LURAP1L: variants seen among roughly 807,000 people sequenced by gnomAD.
LURAP1L encodes the protein leucine rich adaptor protein 1 like.
LURAP1L carries 12 observed loss-of-function variants against 13.8 expected under a neutral mutation model. That is an observed-to-expected ratio of 0.87 (90% CI 0.56 to 1.41). LURAP1L has a LOEUF of 1.41. Among genes scored for constraint, LURAP1L ranks in the 40% most tolerant of loss-of-function variants. LURAP1L has a pLI of 0.00. For synonymous variants in LURAP1L, 139 were observed against 119.2 expected, an observed-to-expected ratio of 1.17 and a Z score of -1.08; for missense variants, 375 against 292.9, an observed-to-expected ratio of 1.28 and a Z score of -2.04.
In LURAP1L at chr9:12,822,899, A is replaced by C. The variant is rs1461139999; in HGVS notation, c.*1139A>C. ...GTAATGATAAATGTTTCCGGACTAA[A>C]CACTCTATAATACAAATCAAAAAAT... is the stretch of plus-strand genomic sequence containing the variant. On this transcript the variant is annotated 3_prime_UTR_variant, in exon 2 of 2. Transcript: ENST00000319264. Among the ~76,000 whole-genome samples the C allele has an allele frequency of 6.6e-6, 1 of 152,202 alleles. No homozygotes were observed. The highest frequency in any genetic ancestry group is 2.4e-5 in the African/African-American group (1 of 41,452).
chr9:12,802,846 C>T (rs1318364883), intron 1 of LURAP1L, among the ~76,000 whole-genome samples: 2 of 152,126 alleles, frequency 1.3e-5, no homozygotes, highest in African/African-American at 4.8e-5. Flanking sequence ...AACACCTGCT[C>T]CCCTGGTTGT....
intron 1 of LURAP1L, among the ~76,000 whole-genome samples, chr9:12,803,372 G>C (rs532294668): frequency 6.6e-6 from 1 of 152,292 alleles, no homozygotes; most frequent in East Asian, 1.9e-4. Context: ...TTAGATACTT[G>C]TTATAGTACA....
chr9:12,795,071 C>T (rs1819494650), intron 1 of LURAP1L, among the ~76,000 whole-genome samples: 1 of 151,882 alleles, frequency 6.6e-6, no homozygotes, highest in African/African-American at 2.4e-5. Flanking sequence ...TCATTTAATG[C>T]TATGCTGGGG....
At position 12,806,410 on chromosome 9, in the gene LURAP1L, C is replaced by CAATTT. The variant is rs1819656979; in HGVS notation, c.313-14975_313-14971dup. 3.3e-5 allele frequency among the ~76,000 whole-genome samples: 5 copies of CAATTT among 151,196 alleles called. No individual in the cohort carries two copies. The South Asian group carries it at 1.0e-3, about 32-fold the overall frequency. On this transcript the variant is annotated intron_variant, in intron 1 of 1. Coordinates refer to ENST00000319264, the MANE Select transcript of LURAP1L (RefSeq NM_203403.2). ...TTTTTTTTTCTTTTCTGGGTAGAAGCAATTTGCATTTCTTCAAGACACAAA... is the reference window on the plus strand; with the variant it reads ...TTTTTTTTTCTTTTCTGGGTAGAAGCAATTTAATTTGCATTTCTTCAAGACACAAA...
Position 12,795,191 on chromosome 9 carries a change from G to A in LURAP1L, c.312+19164G>A, listed in dbSNP as rs73403669. Among the ~76,000 whole-genome samples the A allele has an allele frequency of 9.7e-3, 1,477 of 151,940 alleles. 25 individuals are homozygous for A. The highest frequency in any genetic ancestry group is 0.034 in the African/African-American group (1,416 of 41,462). On this transcript the variant is annotated intron_variant, in intron 1 of 1. Coordinates refer to ENST00000319264, the MANE Select transcript of LURAP1L (RefSeq NM_203403.2). ...TTTGTAGATGATGTTGCTTTTGCCT[G>A]GATCTTTCTTCCTGTCCCACCCCTA...
intron 1 of LURAP1L, among the ~76,000 whole-genome samples, chr9:12,802,338 C>T (rs1217190661): frequency 6.6e-6 from 1 of 152,150 alleles, no homozygotes; most frequent in Non-Finnish European, 1.5e-5. Flanking sequence ...GGGATAGAAT[C>T]ATGGTGGTGA....
intron 1 of LURAP1L, chr9:12,777,693 A>G (rs1819210181): frequency 1.9e-6 from 1 of 516,260 alleles, no homozygotes; most frequent in Non-Finnish European, 2.5e-6. Flanking sequence ...AACATTTCCA[A>G]AAACCGATGA....
At chr9:12,803,995 G>A (rs1447718405) in intron 1 of LURAP1L, among the ~76,000 whole-genome samples, 1 of 152,102 alleles carries the variant, frequency 6.6e-6, no homozygotes, top group African/African-American at 2.4e-5. Context: ...AAAATAAAGA[G>A]CAAATCTATT....
chr9:12,795,112 C>G (rs1390965420), intron 1 of LURAP1L, among the ~76,000 whole-genome samples: 2 of 151,858 alleles, frequency 1.3e-5, no homozygotes, highest in Non-Finnish European at 2.9e-5. Context: ...AATTTACAAC[C>G]CAAGCCCCAT....
chr9:12,777,975 T>C (rs1819215244), intron 1 of LURAP1L, among the ~76,000 whole-genome samples: 1 of 152,184 alleles, frequency 6.6e-6, no homozygotes, highest in East Asian at 1.9e-4. Context: ...CAACCACAAC[T>C]ACTTTTGCAC....
chr9:12,809,196 C>T (rs932626053), intron 1 of LURAP1L, among the ~76,000 whole-genome samples: 2 of 152,202 alleles, frequency 1.3e-5, no homozygotes, highest in African/African-American at 4.8e-5. Flanking sequence ...TCCTACCAGG[C>T]CCCACCTCTA....
At chr9:12,800,467 G>T (rs947807025) in intron 1 of LURAP1L, among the ~76,000 whole-genome samples, 1 of 151,316 alleles carries the variant, frequency 6.6e-6, no homozygotes, top group South Asian at 2.1e-4. Context: ...AACTGACTGG[G>T]ATACCATTTA....
chr9:12,778,431 C>T (rs1204071651), intron 1 of LURAP1L, among the ~76,000 whole-genome samples: 1 of 152,102 alleles, frequency 6.6e-6, no homozygotes, highest in Non-Finnish European at 1.5e-5. Flanking sequence ...TTTAAGAATT[C>T]AGTGAAATAA....
chr9:12,798,573 GT>G (rs1246125907), intron 1 of LURAP1L, among the ~76,000 whole-genome samples: 1 of 152,134 alleles, frequency 6.6e-6, no homozygotes, highest in Non-Finnish European at 1.5e-5. Flanking sequence ...TGACCCATCT[GT>G]TGCCATATGC....
intron 1 of LURAP1L, among the ~76,000 whole-genome samples, chr9:12,818,080 GT>G (rs373214159): frequency 6.8e-6 from 1 of 147,872 alleles, no homozygotes; most frequent in East Asian, 2.0e-4. Context: ...TGCTTGTGTC[GT>G]TTTTTTCCCC....
At chr9:12,816,542 T>C (rs1819807062) in intron 1 of LURAP1L, among the ~76,000 whole-genome samples, 1 of 152,202 alleles carries the variant, frequency 6.6e-6, no homozygotes, top group Non-Finnish European at 1.5e-5. Flanking sequence ...ATTTTTTTCT[T>C]AGATTCCATT....
chr9:12,778,234 G>A (rs1443149613), intron 1 of LURAP1L, among the ~76,000 whole-genome samples: 2 of 152,006 alleles, frequency 1.3e-5, no homozygotes, highest in African/African-American at 4.8e-5. Flanking sequence ...ATAGGATGTA[G>A]GGCTGCCTGT....
At chr9:12,778,714 C>A (rs1034386699) in intron 1 of LURAP1L, among the ~76,000 whole-genome samples, 1 of 152,210 alleles carries the variant, frequency 6.6e-6, no homozygotes. Flanking sequence ...TTCAGTTCAA[C>A]TGGAAATCTT....
intron 1 of LURAP1L, among the ~76,000 whole-genome samples, chr9:12,798,220 C>T (rs943910406): frequency 2.6e-5 from 4 of 152,122 alleles, no homozygotes; most frequent in South Asian, 2.1e-4. Context: ...CAAAGCTGGG[C>T]GTCTGGACAT....
Sources: allele counts gnomAD v4.1 joint callset (sites outside exome capture counted in the v4.1 genomes callset), GRCh38; gene constraint gnomAD v4.1.1; transcripts MANE v1.5; gene names NCBI Gene and HGNC (gene_info 2026-07-23, HGNC 2026-07-21).